The following BNIP3L variants were observed in gnomAD, a reference collection of about 807,000 sequenced individuals.
The protein encoded by BNIP3L is BCL2/adenovirus E1B 19 kDa protein-interacting protein 3-like.
Under a neutral mutation model 25.5 loss-of-function variants are expected in BNIP3L, and 10 were observed. The ratio of observed to expected loss-of-function variants is 0.39; its 90% CI spans 0.24 to 0.67. The LOEUF (loss-of-function observed/expected upper bound fraction) is 0.67, where lower values mean the gene tolerates loss of function less well. Ranked by LOEUF, BNIP3L falls within the 30% of genes least tolerant of loss-of-function variation. BNIP3L has a pLI of 0.45. For missense variants in BNIP3L, 215 were observed against 270.9 expected (o/e 0.79, Z 1.45); for synonymous variants, 113 against 101.2 (o/e 1.12, Z -0.70).
chr8:26,396,950 C>T lies in BNIP3L; in HGVS notation c.357+1648C>T, dbSNP rs1359641868. 8.7e-5 allele frequency among the ~76,000 whole-genome samples: 6 copies of T among 69,042 alleles called. No individual in the cohort carries two copies. The South Asian group carries it at 3.4e-3, about 40-fold the overall frequency. 45.3% of individuals were successfully genotyped at this position (69,042 alleles called of 152,430 possible). On this transcript the variant is annotated intron_variant, in intron 3 of 5. Transcript: ENST00000380629. ...AAGAATAAAAAGAAATGAGCAAAGC[C>T]TCCAAGAAATATGGGACTATGTGAA...
At chr8:26,390,591 G>A in intron 1 of BNIP3L, 2 of 962,562 alleles carry the variant, frequency 2.1e-6, no homozygotes, top group Non-Finnish European at 2.5e-6. Flanking sequence ...ACTAATCAGT[G>A]AGATAGAGAT....
intron 1 of BNIP3L, chr8:26,390,547 A>G: frequency 1.0e-6 from 1 of 984,874 alleles, no homozygotes; most frequent in South Asian, 4.7e-5. Context: ...AAGGAGAAGG[A>G]CTAGAAAGCC....
Position 26,409,767 on chromosome 8 carries a change from G to A in BNIP3L, c.612-597G>A, listed in dbSNP as rs566201377. 1.2e-4 allele frequency among the ~76,000 whole-genome samples: 18 copies of A among 152,190 alleles called. No homozygotes were observed. In the South Asian group the frequency reaches 1.2e-3, roughly 11 times the overall value. ...TGTAAAAAGAGTGTTTAAAAAGTTC[G>A]TTGCTTTAATTGCACTGGAGGTGAA... is the stretch of plus-strand genomic sequence containing the variant. On this transcript the variant is annotated intron_variant, in intron 5 of 5. Coordinates refer to ENST00000380629, the MANE Select transcript of BNIP3L (RefSeq NM_004331.3).
Position 26,383,197 on chromosome 8 carries a change from G to A in BNIP3L, c.67G>A (p.Glu23Lys). The A allele has an allele frequency of 6.2e-7, 1 of 1,612,342 alleles. No individual in the cohort carries two copies. ...CAACAACAACAACTGCGAGGAAAATGAGCAGTCTCTGCCCCCGCCGGCCGG... is the reference window on the plus strand; with the variant it reads ...CAACAACAACAACTGCGAGGAAAATAAGCAGTCTCTGCCCCCGCCGGCCGG... ...HNNNNNCEEN[E>K]QSLPPPAGLN... Residue 23 changes from glutamate to lysine, a missense_variant, in exon 1 of 6, where the codon GAG (glutamate) becomes AAG (lysine). Coordinates refer to ENST00000380629, the MANE Select transcript of BNIP3L (RefSeq NM_004331.3).
intron 1 of BNIP3L, among the ~76,000 whole-genome samples, chr8:26,388,588 G>A (rs1309203754): frequency 6.6e-6 from 1 of 152,130 alleles, no homozygotes; most frequent in Non-Finnish European, 1.5e-5. Flanking sequence ...TCTCTTTCAG[G>A]TTCCAAAAGT....
At chr8:26,393,742 A>G (rs1249255036) in intron 2 of BNIP3L, among the ~76,000 whole-genome samples, 1 of 152,138 alleles carries the variant, frequency 6.6e-6, no homozygotes, top group African/African-American at 2.4e-5. Flanking sequence ...TATGAGCACA[A>G]AGATAGTAAA....
rs1197014988 is a variant in BNIP3L, at chr8:26,407,130, C to G, written c.358-870C>G. 2.6e-5 allele frequency among the ~76,000 whole-genome samples: 4 copies of G among 151,928 alleles called. No homozygotes were observed. The East Asian group carries it at 7.8e-4, about 30-fold the overall frequency. ...AAGCGATTCTTCTGCCTCAGCCTCT[C>G]AAGTAGCTGGGATTACAGGTGCCCG... On this transcript the variant is annotated intron_variant, in intron 3 of 5. Coordinates refer to ENST00000380629, the MANE Select transcript of BNIP3L (RefSeq NM_004331.3).
intron 3 of BNIP3L, among the ~76,000 whole-genome samples, chr8:26,399,975 A>G (rs1231689045): frequency 1.3e-5 from 2 of 151,062 alleles, no homozygotes; most frequent in African/African-American, 4.9e-5. Context: ...ATATCGTGAA[A>G]ATGGCCATAC....
At position 26,410,450 on chromosome 8, in the gene BNIP3L, G is replaced by A; in HGVS notation, c.*38G>A. The A allele has an allele frequency of 6.2e-7, 1 of 1,611,186 alleles. No individual in the cohort carries two copies. Among genetic ancestry groups the A allele is most frequent in the Non-Finnish European group, 8.5e-7 (1 of 1,177,348 alleles). On this transcript the variant is annotated 3_prime_UTR_variant, in exon 6 of 6. Coordinates refer to ENST00000380629, the MANE Select transcript of BNIP3L (RefSeq NM_004331.3). ...GCCCCTGGAAATGCGTGTGACCTGTGAAGTGGTGTATTGTCACAGTAGCTT... is the reference window on the plus strand; with the variant it reads ...GCCCCTGGAAATGCGTGTGACCTGTAAAGTGGTGTATTGTCACAGTAGCTT...
chr8:26,391,560 T>TCAGG, intron 2 of BNIP3L, 134 bp downstream of exon 2: 1 of 686,740 alleles, frequency 1.5e-6, no homozygotes, highest in Non-Finnish European at 2.2e-6. Flanking sequence ...GTATAATATA[T>TCAGG]ATTGCACAGA....
intron 1 of BNIP3L, among the ~76,000 whole-genome samples, chr8:26,384,893 C>T (rs73217736): frequency 0.039 from 5,980 of 152,074 alleles, 178 homozygotes; most frequent in South Asian, 0.12. Flanking sequence ...GACGAAGTTT[C>T]GCCATGTAGC....
chr8:26,383,086 C>T lies in BNIP3L; in HGVS notation c.-45C>T, dbSNP rs374495725. Reference sequence around the variant, plus strand: ...GCTTGTTGTGTTGCTGCCTGAGTGCCGGAGACGGTCCTGCTGCTGCCGCAG... The same window carrying T: ...GCTTGTTGTGTTGCTGCCTGAGTGCTGGAGACGGTCCTGCTGCTGCCGCAG... On this transcript the variant is annotated 5_prime_UTR_variant, in exon 1 of 6. Coordinates refer to ENST00000380629, the MANE Select transcript of BNIP3L (RefSeq NM_004331.3). 15 of 1,513,928 alleles carry T rather than the reference C, an allele frequency of 9.9e-6. No individual in the cohort carries two copies. Among genetic ancestry groups the T allele is most frequent in the East Asian group, 4.8e-5 (2 of 41,548 alleles). The allele number at this position is 1,513,928 out of a possible 1,614,324, so 93.8% of individuals were successfully genotyped here. A position where few individuals can be genotyped will look rare whatever the true frequency, so the allele number is the denominator to read the frequency against.
chr8:26,411,275 C>T lies in BNIP3L; in HGVS notation c.*863C>T, dbSNP rs1423984304. 2 of 152,428 alleles carry T rather than the reference C, an allele frequency of 1.3e-5. No homozygotes were observed. The highest frequency in any genetic ancestry group is 2.9e-5 in the Non-Finnish European group (2 of 67,992). The allele number at this position is 152,428 out of a possible 1,614,324, so 9.4% of individuals were successfully genotyped here. On this transcript the variant is annotated 3_prime_UTR_variant, in exon 6 of 6. Transcript: ENST00000380629. The stretch of plus-strand genomic sequence containing the variant: ...CTGCATGTGAATTTTTCATGACCTT[C>T]TTTACATTTTTTATTTTTTATTTCT...
At position 26,402,407 on chromosome 8, in the gene BNIP3L, G is replaced by A. The variant is rs140502811; in HGVS notation, c.358-5593G>A. Among the ~76,000 whole-genome samples the A allele has an allele frequency of 2.6e-5, 4 of 152,348 alleles. No homozygotes were observed. The East Asian group carries it at 7.7e-4, about 29-fold the overall frequency. On this transcript the variant is annotated intron_variant, in intron 3 of 5. Transcript: ENST00000380629. ...AGAAAGTGTACCACGGAATCCAGGA[G>A]AGAAATCGAATTCTTTGCCGTGGTC...
At chr8:26,409,581 C>T (rs910140238) in intron 5 of BNIP3L, among the ~76,000 whole-genome samples, 4 of 152,026 alleles carry the variant, frequency 2.6e-5, no homozygotes, top group African/African-American at 4.8e-5. Context: ...GTGACTGTTG[C>T]GTGGGGGTTG....
intron 3 of BNIP3L, among the ~76,000 whole-genome samples, chr8:26,402,882 G>A (rs1329494797): frequency 6.6e-6 from 1 of 152,150 alleles, no homozygotes; most frequent in Non-Finnish European, 1.5e-5. Flanking sequence ...TAATAACTCC[G>A]TGGAGCACTG....
At position 26,413,053 on chromosome 8, in the gene BNIP3L, G is replaced by A. The variant is rs538547632; in HGVS notation, c.*2641G>A. ...TCTATTTTAGTTAGCACTTTGTATC[G>A]TTATATACAGTTTACAATACATGTA... On this transcript the variant is annotated 3_prime_UTR_variant, in exon 6 of 6. Coordinates refer to ENST00000380629, the MANE Select transcript of BNIP3L (RefSeq NM_004331.3). This position sits in a 1 kb window ranked among gnomAD's most constrained non-coding sequence, Gnocchi z 5.2. The A allele has an allele frequency of 6.5e-5, 10 of 152,718 alleles. No homozygotes were observed. The highest frequency in any genetic ancestry group is 3.9e-4 in the East Asian group (2 of 5,190). 9.5% of individuals were successfully genotyped at this position (152,718 alleles called of 1,614,324 possible).
rs755950818 is a variant in BNIP3L, at chr8:26,383,136, G to A, written c.6G>A (p.Ser2=). The A allele has an allele frequency of 1.2e-6, 2 of 1,610,624 alleles. No individual in the cohort carries two copies. The highest frequency in any genetic ancestry group is 2.2e-5 in the South Asian group (2 of 90,858). Residue 2 remains serine, a synonymous_variant, in exon 1 of 6, where the codon TCG becomes TCA. Coordinates refer to ENST00000380629, the MANE Select transcript of BNIP3L (RefSeq NM_004331.3). The part of the protein sequence containing the change: M[S]SHLVEPPPPL... ...GTCCTGCCAGCTGTCCGACAATGTC[G>A]TCCCACCTAGTCGAGCCGCCGCCGC...
intron 1 of BNIP3L, among the ~76,000 whole-genome samples, chr8:26,389,954 A>G (rs1021800114): frequency 2.0e-5 from 3 of 152,266 alleles, no homozygotes; most frequent in Middle Eastern, 3.4e-3. Flanking sequence ...ACTCTCTAAC[A>G]CTTCTGCTGG....
Sources: gnomAD v4.1 joint callset for allele counts (sites outside exome capture counted in the v4.1 genomes callset) on GRCh38, gnomAD v4.1.1 for gene constraint, Gnocchi (gnomAD v3.1) non-coding constraint, MANE v1.5 for transcripts, NCBI Gene and HGNC (gene_info 2026-07-23, HGNC 2026-07-21) for gene names.